Variants in ADSS2 observed in about 807,000 individuals in gnomAD.
ADSS2 encodes adenylosuccinate synthetase isozyme 2.
A neutral mutation model predicts 60.0 loss-of-function variants in ADSS2; 30 were observed. The observed-to-expected ratio is 0.50, with a 90% CI of 0.37 to 0.68. The LOEUF is 0.68. Ranked by LOEUF, ADSS2 falls within the 30% of genes least tolerant of loss-of-function variation. The pLI is 0.00. For missense variants in ADSS2, 373 were observed against 554.8 expected, an observed-to-expected ratio of 0.67 and a Z score of 3.29; for synonymous variants, 187 against 193.1, an observed-to-expected ratio of 0.97 and a Z score of 0.26.
intron 3 of ADSS2, among the ~76,000 whole-genome samples, chr1:244,435,285 A>G (rs1665068440): frequency 6.6e-6 from 1 of 151,288 alleles, no homozygotes; most frequent in African/African-American, 2.4e-5. Flanking sequence ...ATTTTCCTCA[A>G]TTATGTATTA....
chr1:244,424,624 T>C (rs1470667885), intron 4 of ADSS2: 2 of 312,330 alleles, frequency 6.4e-6, no homozygotes, highest in African/African-American at 2.2e-5. Context: ...AAATAAGTCA[T>C]TAAGAGGGTA....
At chr1:244,428,829 C>T (rs1664866627) in intron 4 of ADSS2, among the ~76,000 whole-genome samples, 1 of 151,968 alleles carries the variant, frequency 6.6e-6, no homozygotes, top group Admixed American at 6.5e-5. Flanking sequence ...CTAAAACTGA[C>T]ACAAGAAACA....
intron 4 of ADSS2, among the ~76,000 whole-genome samples, chr1:244,431,182 A>T (rs1016186234): frequency 2.5e-4 from 38 of 152,332 alleles, no homozygotes; most frequent in African/African-American, 8.2e-4. Flanking sequence ...GTGATATATA[A>T]GTTTAAAATT....
chr1:244,433,400 A>G (rs777267898), intron 3 of ADSS2, among the ~76,000 whole-genome samples: 2 of 152,220 alleles, frequency 1.3e-5, no homozygotes, highest in Non-Finnish European at 2.9e-5. Context: ...TCTTGCTCTA[A>G]AAGCTCCAAA....
chr1:244,422,193 A>G (rs1180361474), intron 7 of ADSS2, among the ~76,000 whole-genome samples: 1 of 152,148 alleles, frequency 6.6e-6, no homozygotes, highest in Non-Finnish European at 1.5e-5. Context: ...TAGTTCTGGA[A>G]CTGATATTGA....
rs557118559 is a variant in ADSS2, at chr1:244,436,328, T to TC, written c.355+496dup. 1.3e-3 allele frequency among the ~76,000 whole-genome samples: 196 copies of TC among 152,262 alleles called. 1 individual carries two copies. The highest frequency in any genetic ancestry group is 2.5e-3 in the Non-Finnish European group (168 of 68,026). ...TCCAAGAGATCAGGAAAGGCAAGAA[T>TC]CCAGGACTATTTATTTTAAGAAGAT... On this transcript the variant is annotated intron_variant, in intron 3 of 12. Coordinates refer to ENST00000366535, the MANE Select transcript of ADSS2 (RefSeq NM_001126.5).
At chr1:244,425,595 T>C (rs147405940) in intron 4 of ADSS2, among the ~76,000 whole-genome samples, 19 of 152,284 alleles carry the variant, frequency 1.2e-4, no homozygotes, top group African/African-American at 4.3e-4. Context: ...CCTAAAACCA[T>C]GTATGTACTC....
intron 4 of ADSS2, chr1:244,424,799 T>C (rs976237699): frequency 5.9e-6 from 1 of 169,254 alleles, no homozygotes; most frequent in Non-Finnish European, 1.3e-5. Context: ...AGTCTCCTAA[T>C]GTGTGTACCT....
At chr1:244,423,170 G>A (rs774736253) in intron 6 of ADSS2, among the ~76,000 whole-genome samples, 1 of 151,928 alleles carries the variant, frequency 6.6e-6, no homozygotes, top group African/African-American at 2.4e-5. Context: ...GTGTAGGGAG[G>A]GAAGAGAAAT....
At chr1:244,429,490 C>A (rs981847766) in intron 4 of ADSS2, among the ~76,000 whole-genome samples, 1 of 152,172 alleles carries the variant, frequency 6.6e-6, no homozygotes, top group Non-Finnish European at 1.5e-5. Context: ...AAGCAAAGAT[C>A]GAAGTGGTTT....
chr1:244,446,443 G>A (rs1014607413), intron 1 of ADSS2, among the ~76,000 whole-genome samples: 2 of 152,092 alleles, frequency 1.3e-5, no homozygotes, highest in Non-Finnish European at 1.5e-5. Flanking sequence ...CAGGGTATCT[G>A]AATTTCTTTC....
chr1:244,415,833 CTAA>C (rs982238326), intron 11 of ADSS2, 145 bp downstream of exon 11: 5 of 599,138 alleles, frequency 8.3e-6, no homozygotes, highest in South Asian at 2.2e-5. Flanking sequence ...AACCAAATAA[CTAA>C]TAATAAGTGA....
intron 3 of ADSS2, among the ~76,000 whole-genome samples, chr1:244,435,735 A>G (rs754579013): frequency 3.3e-5 from 5 of 152,206 alleles, no homozygotes; most frequent in Non-Finnish European, 7.3e-5. Flanking sequence ...GCTACTGATG[A>G]GTAATCATTT....
chr1:244,437,443 A>T (rs1184503599), intron 2 of ADSS2, among the ~76,000 whole-genome samples: 1 of 152,206 alleles, frequency 6.6e-6, no homozygotes, highest in Non-Finnish European at 1.5e-5. Context: ...GTGAGCACAG[A>T]TGAATGCAAA....
At chr1:244,429,510 G>A (rs188372071) in intron 4 of ADSS2, among the ~76,000 whole-genome samples, 7 of 152,302 alleles carry the variant, frequency 4.6e-5, no homozygotes, top group African/African-American at 1.4e-4. Context: ...TCACAGCAAC[G>A]ATTCTCAGAC....
In ADSS2 at chr1:244,435,168, CAAAAAAAAAAAAAAA is replaced by C. The variant is rs60576167; in HGVS notation, c.355+1642_355+1656del. Among the ~76,000 whole-genome samples the C allele has an allele frequency of 1.5e-4, 8 of 51,748 alleles. 1 individual carries two copies. In the East Asian group the frequency reaches 2.9e-3, roughly 18 times the overall value. The allele number at this position is 51,748 out of a possible 152,430, so 33.9% of individuals were successfully genotyped here. On this transcript the variant is annotated intron_variant, in intron 3 of 12. Transcript: ENST00000366535. ...GGGTGACAGAGAGAGACTCCGTCTCCAAAAAAAAAAAAAAAAAAAAAAAAAAAAACAAACCTGAAC... is the reference window on the plus strand; with the variant it reads ...GGGTGACAGAGAGAGACTCCGTCTCCAAAAAAAAAAAAAACAAACCTGAAC...
At chr1:244,434,614 T>A (rs1395969077) in intron 3 of ADSS2, among the ~76,000 whole-genome samples, 2 of 152,182 alleles carry the variant, frequency 1.3e-5, no homozygotes, top group African/African-American at 4.8e-5. Context: ...TACAAACATG[T>A]ATTCTGAAGT....
chr1:244,410,214 A>C (rs1664380087), intron 12 of ADSS2, among the ~76,000 whole-genome samples: 2 of 152,232 alleles, frequency 1.3e-5, no homozygotes, highest in African/African-American at 4.8e-5. Flanking sequence ...AAATATGCTT[A>C]CTAAATTTGA....
At chr1:244,435,181 A>AC (rs1447034547) in intron 3 of ADSS2, among the ~76,000 whole-genome samples, 1 of 147,246 alleles carries the variant, frequency 6.8e-6, no homozygotes, top group African/African-American at 2.6e-5. Context: ...AAAAAAAAAA[A>AC]AAAAAAAAAA....
Sources: gnomAD v4.1 joint callset for allele counts (sites outside exome capture counted in the v4.1 genomes callset) on GRCh38, gnomAD v4.1.1 for gene constraint, MANE v1.5 for transcripts, NCBI Gene and HGNC (gene_info 2026-07-23, HGNC 2026-07-21) for gene names.